Variants in RABGGTB observed in about 807,000 individuals in gnomAD.
The protein encoded by RABGGTB is Rab geranylgeranyltransferase subunit beta.
In RABGGTB, 20 loss-of-function variants were observed where a neutral mutation model predicts 44.5. The ratio of observed to expected loss-of-function variants is 0.45; its 90% confidence interval spans 0.32 to 0.65. The LOEUF is 0.65. RABGGTB is among the 30% of genes least tolerant of loss of function. RABGGTB has a pLI of 0.05. For synonymous variants in RABGGTB, 128 were observed against 136.7 expected (o/e 0.94, Z 0.44); for missense variants, 302 against 398.7 (o/e 0.76, Z 2.06).
At chr1:75,786,810 G>A (rs1360311315) in intron 1 of RABGGTB, 2 of 313,874 alleles carry the variant, frequency 6.4e-6, no homozygotes, top group African/African-American at 2.3e-5. Context: ...GGAGAAGATG[G>A]AGCTAAAGGA....
chr1:75,788,850 A>G (rs1649572179), intron 2 of RABGGTB: 1 of 353,346 alleles, frequency 2.8e-6, no homozygotes, highest in South Asian at 4.2e-5. Context: ...CCTGAACTTC[A>G]CTGATGAAAA....
chr1:75,789,280 G>T lies in RABGGTB; in HGVS notation c.233G>T (p.Cys78Phe). 6.2e-7 allele frequency: 1 copy of T among 1,614,090 alleles called. No individual in the cohort carries two copies. Among genetic ancestry groups the T allele is most frequent in the Non-Finnish European group, 8.5e-7 (1 of 1,180,000 alleles). ...GAGATTCTGGCATTTATTAAGTCTT[G>T]CCAACATGAATGTGGTGGAATAAGT... is the stretch of plus-strand genomic sequence containing the variant. ...REEILAFIKSCQHECGGISAS... is the reference protein window; with the variant it reads ...REEILAFIKSFQHECGGISAS... The change falls in exon 3 of 9, where the codon TGC becomes TTC. Residue 78 changes from cysteine to phenylalanine, a missense_variant. Around this residue, in one of 2 missense-constraint regions of RABGGTB, gnomAD observed 213 missense variants for 323.7 expected, o/e 0.66. Transcript: ENST00000319942.
chr1:75,793,132 T>G (rs950845785), intron 7 of RABGGTB, among the ~76,000 whole-genome samples: 1 of 151,710 alleles, frequency 6.6e-6, no homozygotes, highest in Non-Finnish European at 1.5e-5. Flanking sequence ...TTTAAATGAT[T>G]TATAAATGTA....
chr1:75,787,648 T>C (rs1557479410), intron 2 of RABGGTB, 44 bp downstream of exon 2: 1 of 1,462,028 alleles, frequency 6.8e-7, no homozygotes, highest in Non-Finnish European at 9.6e-7. Flanking sequence ...TTTAAAGAAG[T>C]GTGACAGTCA....
At chr1:75,790,142 A>C (rs1394067197) in intron 4 of RABGGTB, 85 bp downstream of exon 4, 1 of 1,574,886 alleles carries the variant, frequency 6.3e-7, no homozygotes, top group Admixed American at 1.9e-5. Context: ...TAAGTTTTTC[A>C]TCTTTTCAGG....
intron 2 of RABGGTB, chr1:75,788,386 C>G (rs957285559): frequency 4.5e-5 from 7 of 155,990 alleles, no homozygotes; most frequent in African/African-American, 1.7e-4. Flanking sequence ...TCACTGCAGC[C>G]TCCATCTCCT....
At chr1:75,789,741 T>G in intron 3 of RABGGTB, 1 of 572,362 alleles carries the variant, frequency 1.7e-6, no homozygotes, top group Non-Finnish European at 3.1e-6. Context: ...AATGCCAAGT[T>G]AAAATTTATA....
chr1:75,789,210 A>G lies in RABGGTB; in HGVS notation c.163A>G (p.Thr55Ala). The G allele has an allele frequency of 1.2e-6, 2 of 1,614,114 alleles. No individual in the cohort carries two copies. The highest frequency in any genetic ancestry group is 1.7e-6 in the Non-Finnish European group (2 of 1,179,976). The change falls in exon 3 of 9, where the codon ACA becomes GCA. Residue 55 changes from threonine to alanine, a missense_variant. Physicochemically the swap from Thr to Ala is moderately conservative, Grantham distance 58. Around this residue, in one of 2 missense-constraint regions of RABGGTB, gnomAD observed 89 missense variants for 75.0 expected, o/e 1.19. Coordinates refer to ENST00000319942, the MANE Select transcript of RABGGTB (RefSeq NM_004582.4). ...LRMSGIYWGL[T>A]VMDLMGQLHR... ...AATGAGTGGCATCTATTGGGGTCTG[A>G]CAGTAATGGATCTCATGGGACAACT...
intron 2 of RABGGTB, chr1:75,787,909 G>A (rs769332805): frequency 1.7e-6 from 1 of 599,350 alleles, no homozygotes; most frequent in Admixed American, 1.9e-5. Flanking sequence ...GTGTTGGCAT[G>A]TATTATCTGA....
At chr1:75,791,032 C>T (rs1350720380) in intron 4 of RABGGTB, among the ~76,000 whole-genome samples, 1 of 152,158 alleles carries the variant, frequency 6.6e-6, no homozygotes, top group Non-Finnish European at 1.5e-5. Flanking sequence ...TCAAGTGATT[C>T]TCCCACCTCA....
At position 75,794,808 on chromosome 1, in the gene RABGGTB, G is replaced by C. The variant is rs1649730326; in HGVS notation, c.*158G>C. The C allele has an allele frequency of 6.4e-6, 3 of 465,144 alleles. No individual in the cohort carries two copies. The highest frequency in any genetic ancestry group is 6.2e-5 in the African/African-American group (3 of 48,392). 28.8% of individuals were successfully genotyped at this position (465,144 alleles called of 1,614,324 possible). ...ATAATTATACATATTGTAAAATAAA[G>C]ACCGGTATTTTATTTTCTGCTTTTT... On this transcript the variant is annotated 3_prime_UTR_variant, in exon 9 of 9. Transcript: ENST00000319942.
At chr1:75,788,582 C>G (rs1269854745) in intron 2 of RABGGTB, 1 of 154,134 alleles carries the variant, frequency 6.5e-6, no homozygotes. Context: ...GGAGCCACCA[C>G]CCAGCCACAA....
chr1:75,791,649 G>T, intron 6 of RABGGTB, 78 bp downstream of exon 6: 7 of 1,267,478 alleles, frequency 5.5e-6, no homozygotes, highest in Non-Finnish European at 7.8e-6. Context: ...GGTTATTTCA[G>T]TGTTTGTCAA....
At chr1:75,787,066 T>C in intron 1 of RABGGTB, 1 of 520,484 alleles carries the variant, frequency 1.9e-6, no homozygotes, top group Non-Finnish European at 3.8e-6. Flanking sequence ...TGGTGGTAAT[T>C]TTTTGGGTCA....
At chr1:75,788,825 G>A (rs1649570220) in intron 2 of RABGGTB, 2 of 292,554 alleles carry the variant, frequency 6.8e-6, no homozygotes, top group Non-Finnish European at 1.3e-5. Flanking sequence ...TAGGTACTCG[G>A]AAAGAAATAC....
chr1:75,794,328 C>A (rs1649718119), intron 8 of RABGGTB, 95 bp downstream of exon 8: 2 of 1,427,616 alleles, frequency 1.4e-6, no homozygotes, highest in South Asian at 1.4e-5. Flanking sequence ...CCGAGTGTTG[C>A]TTTGAAAGCA....
At chr1:75,789,415 G>A (rs956985850) in intron 3 of RABGGTB, 59 bp downstream of exon 3, 5 of 1,537,704 alleles carry the variant, frequency 3.3e-6, no homozygotes, top group Non-Finnish European at 4.5e-6. Flanking sequence ...TTCAGAGTTG[G>A]AAATTGAAAC....
intron 1 of RABGGTB, 115 bp downstream of exon 1, chr1:75,786,389 A>G: frequency 6.9e-7 from 1 of 1,443,596 alleles, no homozygotes; most frequent in South Asian, 1.1e-5. Flanking sequence ...AATGGTTAGG[A>G]CACAGGCCTT....
rs879885436 is a variant in RABGGTB at position 75,789,226 on chromosome 1, T to C, written c.179T>C (p.Met60Thr). 3 of 1,614,120 alleles carry C rather than the reference T, an allele frequency of 1.9e-6. No individual in the cohort carries two copies. The highest frequency in any genetic ancestry group is 2.5e-6 in the Non-Finnish European group (3 of 1,179,974). The stretch of plus-strand genomic sequence containing the variant: ...TGGGGTCTGACAGTAATGGATCTCA[T>C]GGGACAACTTCATCGCATGAATAGA... The part of the protein sequence containing the change: ...IYWGLTVMDL[M>T]GQLHRMNREE... Residue 60 changes from methionine to threonine, a missense_variant, in exon 3 of 9, where the codon ATG (methionine) becomes ACG (threonine). Around this residue, in one of 2 missense-constraint regions of RABGGTB, gnomAD observed 89 missense variants for 75.0 expected, o/e 1.19. Transcript: ENST00000319942.
Sources: gnomAD v4.1 joint callset for allele counts (sites outside exome capture counted in the v4.1 genomes callset) on GRCh38, gnomAD v4.1.1 for gene constraint, gnomAD v4.1.1 regional missense constraint, MANE v1.5 for transcripts, NCBI Gene and HGNC (gene_info 2026-07-23, HGNC 2026-07-21) for gene names.